Variants in DAB1 observed in about 807,000 individuals in gnomAD.
DAB1 encodes the protein DAB adaptor protein 1.
In DAB1, 15 loss-of-function variants were observed where a neutral mutation model predicts 64.6. The ratio of observed to expected loss-of-function variants is 0.23; its 90% CI spans 0.16 to 0.36. The LOEUF (loss-of-function observed/expected upper bound fraction) is 0.36. Among genes scored for constraint, DAB1 ranks in the 10% least tolerant of loss-of-function variants. DAB1 has a pLI of 1.00. For synonymous variants in DAB1, 235 were observed against 251.9 expected, an observed-to-expected ratio of 0.93 and a Z score of 0.64; for missense variants, 596 against 706.7, an observed-to-expected ratio of 0.84 and a Z score of 1.78.
At chr1:58,013,279 A>G (rs368778105) in intron 5 of DAB1, among the ~76,000 whole-genome samples, 33 of 152,192 alleles carry the variant, frequency 2.2e-4, no homozygotes, top group African/African-American at 8.0e-4. Context: ...CAAATAAAAA[A>G]GTGGGCATGA....
intron 5 of DAB1, among the ~76,000 whole-genome samples, chr1:58,017,169 G>T (rs774404473): frequency 6.6e-6 from 1 of 151,818 alleles, no homozygotes; most frequent in Non-Finnish European, 1.5e-5. Flanking sequence ...TCTGGACCAC[G>T]TTGTCACTTT....
rs111771858 is a variant in DAB1, at chr1:58,447,167, G to A, written n.257+58893C>T. ...AGTAATGACTAATCAGTCACCTAGA[G>A]CCTGTAGAGGAAGAAAAATCAAAGA... is the stretch of plus-strand genomic sequence containing the variant. On this transcript the variant is annotated intron_variant and non_coding_transcript_variant, in intron 3 of 20. Coordinates refer to the DAB1 transcript ENST00000485760. 4.5e-3 allele frequency among the ~76,000 whole-genome samples: 693 copies of A among 152,310 alleles called. 6 individuals carry two copies. Among genetic ancestry groups the A allele is most frequent in the Non-Finnish European group, 8.1e-3 (550 of 68,030 alleles).
At chr1:57,719,072 G>A (rs1158471983) in intron 6 of DAB1, among the ~76,000 whole-genome samples, 3 of 152,154 alleles carry the variant, frequency 2.0e-5, no homozygotes, top group South Asian at 2.1e-4. Context: ...TTTCACAGCC[G>A]TGTAAGTGAA....
rs1290722556 is a variant in DAB1 at position 57,339,158 on chromosome 1, A to AT, written c.-136-47993dup. Among the ~76,000 whole-genome samples, 62 of 137,282 alleles carry AT rather than the reference A, an allele frequency of 4.5e-4. 1 individual carries two copies. The highest frequency in any genetic ancestry group is 5.6e-4 in the African/African-American group (21 of 37,356). 90.1% of individuals were successfully genotyped at this position (137,282 alleles called of 152,430 possible). A position where few individuals can be genotyped will look rare whatever the true frequency, so the allele number is the denominator to read the frequency against. On this transcript the variant is annotated intron_variant, in intron 1 of 14. Transcript: ENST00000371236. The stretch of plus-strand genomic sequence containing the variant: ...CTTTCTTTTTTTTTTTTAATTAATT[A>AT]TTATTTTTTTTTTTCGAGACAGAGT...
At position 58,006,227 on chromosome 1, in the gene DAB1, T is replaced by C. The variant is rs181988273; in HGVS notation, n.388-122065A>G. On this transcript the variant is annotated intron_variant and non_coding_transcript_variant, in intron 5 of 20. Coordinates refer to the DAB1 transcript ENST00000485760. ...ATTGTTGAGACTCTATCATGTGAGA[T>C]AAAAAGACACTAGAATATCCTGCCT... 4.2e-4 allele frequency among the ~76,000 whole-genome samples: 64 copies of C among 152,318 alleles called. 1 individual carries two copies. The Middle Eastern group carries it at 0.01, about 24-fold the overall frequency.
intron 5 of DAB1, among the ~76,000 whole-genome samples, chr1:57,990,711 A>G (rs983677483): frequency 6.6e-6 from 1 of 152,138 alleles, no homozygotes; most frequent in African/African-American, 2.4e-5. Context: ...AATATGGGGA[A>G]TCTAGGGGCA....
intron 3 of DAB1, among the ~76,000 whole-genome samples, chr1:58,375,561 T>C (rs1644315828): frequency 6.7e-6 from 1 of 149,402 alleles, no homozygotes. Context: ...AGCTTTTTGA[T>C]GTGCTGCTGG....
rs890880033 is a variant in DAB1 at position 56,994,823 on chromosome 1, T to C, written c.*3321A>G. ...ATTTGTAACAGTTTTACATGGTGTG[T>C]TACAGAAATTAATGGAAAATTTCTA... is the stretch of plus-strand genomic sequence containing the variant. On this transcript the variant is annotated 3_prime_UTR_variant, in exon 15 of 15. Coordinates refer to ENST00000371236, the MANE Select transcript of DAB1 (RefSeq NM_001365792.1). 16 of 152,244 alleles carry C rather than the reference T, an allele frequency of 1.1e-4. No individual in the cohort carries two copies. The highest frequency in any genetic ancestry group is 3.9e-4 in the African/African-American group (16 of 41,464). The allele number at this position is 152,244 out of a possible 1,614,324, so 9.4% of individuals were successfully genotyped here.
intron 7 of DAB1, among the ~76,000 whole-genome samples, chr1:57,507,426 T>C (rs1388000001): frequency 5.9e-5 from 9 of 152,194 alleles, no homozygotes; most frequent in Admixed American, 4.6e-4. Flanking sequence ...TGCTTTTTAT[T>C]TTCACCATTT....
At chr1:58,083,321 C>T (rs1650111452) in intron 5 of DAB1, among the ~76,000 whole-genome samples, 1 of 152,168 alleles carries the variant, frequency 6.6e-6, no homozygotes, top group African/African-American at 2.4e-5. Flanking sequence ...TGGGAGTCCC[C>T]CGTTACCATG....
chr1:58,088,717 C>T (rs1193219076), intron 5 of DAB1, among the ~76,000 whole-genome samples: 2 of 152,144 alleles, frequency 1.3e-5, no homozygotes, highest in Non-Finnish European at 2.9e-5. Context: ...TTCCTGCATA[C>T]CATCCAAGCA....
chr1:57,505,691 G>C (rs1458668547), intron 7 of DAB1, among the ~76,000 whole-genome samples: 3 of 152,032 alleles, frequency 2.0e-5, no homozygotes, highest in Admixed American at 2.0e-4. Flanking sequence ...TTTTTCTTGA[G>C]ACAGGGTCTC....
intron 5 of DAB1, among the ~76,000 whole-genome samples, chr1:58,064,784 T>G (rs1387972105): frequency 6.6e-6 from 1 of 152,018 alleles, no homozygotes; most frequent in Non-Finnish European, 1.5e-5. Flanking sequence ...TGCAGTGGCG[T>G]GATCTCGGCT....
chr1:58,161,916 T>C (rs1307408173), intron 4 of DAB1, among the ~76,000 whole-genome samples: 2 of 152,054 alleles, frequency 1.3e-5, no homozygotes, highest in Non-Finnish European at 1.5e-5. Context: ...TTTAGAAAGA[T>C]TAGGCTGGCT....
chr1:58,437,587 C>T (rs577239427), intron 3 of DAB1, among the ~76,000 whole-genome samples: 1 of 152,340 alleles, frequency 6.6e-6, no homozygotes, highest in South Asian at 2.1e-4. Context: ...AACATGCTTG[C>T]TTTCTGTCTT....
intron 4 of DAB1, among the ~76,000 whole-genome samples, chr1:58,192,832 G>A (rs1411161517): frequency 6.6e-6 from 1 of 152,118 alleles, no homozygotes. Flanking sequence ...CCAGTAGTGG[G>A]ATTGCTAGAT....
intron 4 of DAB1, among the ~76,000 whole-genome samples, chr1:58,311,493 G>A (rs1405813484): frequency 6.6e-6 from 1 of 152,150 alleles, no homozygotes; most frequent in Non-Finnish European, 1.5e-5. Context: ...CAGCTTTAGA[G>A]GTCTACCATT....
chr1:57,808,004 G>T (rs557137994), intron 6 of DAB1, among the ~76,000 whole-genome samples: 2 of 152,214 alleles, frequency 1.3e-5, no homozygotes, highest in East Asian at 3.9e-4. Flanking sequence ...CTGTTCATAA[G>T]CGATGCTTCT....
intron 1 of DAB1, among the ~76,000 whole-genome samples, chr1:57,343,155 A>G (rs1284648181): frequency 6.6e-6 from 1 of 152,050 alleles, no homozygotes; most frequent in East Asian, 1.9e-4. Flanking sequence ...TCCCCACTAG[A>G]TTAGCTAGAT....
Sources: allele counts gnomAD v4.1 joint callset (sites outside exome capture counted in the v4.1 genomes callset), GRCh38; gene constraint gnomAD v4.1.1; transcripts MANE v1.5; gene names NCBI Gene and HGNC (gene_info 2026-07-23, HGNC 2026-07-21).